GRIK2: variants seen among roughly 807,000 people sequenced by gnomAD.
GRIK2 encodes glutamate ionotropic receptor kainate type subunit 2.
A neutral mutation model predicts 100.3 loss-of-function variants in GRIK2; 32 were observed. The ratio of observed to expected loss-of-function variants is 0.32; its 90% CI spans 0.24 to 0.43. The LOEUF is 0.43. Among genes scored for constraint, GRIK2 ranks in the 20% least tolerant of loss-of-function variants. The probability of loss-of-function intolerance (pLI) is 1.00; values close to 1 mark genes in which losing one functional copy is unlikely to be tolerated. For missense variants in GRIK2, 843 were observed against 1,114.9 expected, an observed-to-expected ratio of 0.76 and a Z score of 3.47; for synonymous variants, 417 against 389.4, an observed-to-expected ratio of 1.07 and a Z score of -0.83.
intron 2 of GRIK2, among the ~76,000 whole-genome samples, chr6:101,469,660 G>A (rs570660207): frequency 6.6e-6 from 1 of 152,246 alleles, no homozygotes; most frequent in African/African-American, 2.4e-5. Context: ...GCTGTATTGA[G>A]TATTCCCTTT....
chr6:102,002,358 T>C (rs1008812053), intron 14 of GRIK2, among the ~76,000 whole-genome samples: 9 of 147,996 alleles, frequency 6.1e-5, no homozygotes, highest in African/African-American at 2.0e-4. Context: ...TGTGCATGTA[T>C]ATATTATGTA....
rs190542492 is a variant in GRIK2, at chr6:101,639,625, T to C, written c.541+12988T>C. Among the ~76,000 whole-genome samples, 439 of 152,168 alleles carry C rather than the reference T, an allele frequency of 2.9e-3. 1 individual carries two copies. Among genetic ancestry groups the C allele is most frequent in the Admixed American group, 5.9e-3 (90 of 15,272 alleles). ...ATACATACATACATACATACATACA[T>C]ACACACAGTTTTCTGTTTTCTGGGA... On this transcript the variant is annotated intron_variant, in intron 4 of 16. Coordinates refer to ENST00000369134, the MANE Select transcript of GRIK2 (RefSeq NM_021956.5).
At chr6:101,720,495 G>A (rs1284381437) in intron 7 of GRIK2, among the ~76,000 whole-genome samples, 1 of 151,940 alleles carries the variant, frequency 6.6e-6, no homozygotes, top group South Asian at 2.1e-4. Flanking sequence ...ATGTGTAAGT[G>A]TAGTATTGTC....
At chr6:101,794,291 C>T (rs60086103) in intron 7 of GRIK2, among the ~76,000 whole-genome samples, 2 of 151,922 alleles carry the variant, frequency 1.3e-5, no homozygotes, top group East Asian at 3.9e-4. Flanking sequence ...GAAATCACCC[C>T]TCTTCTGCGT....
chr6:101,715,991 C>T (rs1433687820), intron 7 of GRIK2, among the ~76,000 whole-genome samples: 1 of 151,736 alleles, frequency 6.6e-6, no homozygotes, highest in East Asian at 1.9e-4. Context: ...TCTTGAAATT[C>T]AACCTCCTTC....
At chr6:101,431,728 C>T (rs1450864539) in intron 2 of GRIK2, among the ~76,000 whole-genome samples, 1 of 152,172 alleles carries the variant, frequency 6.6e-6, no homozygotes, top group Non-Finnish European at 1.5e-5. Flanking sequence ...TATTGGTTAT[C>T]ACTTTGTTAC....
chr6:101,534,795 CT>C (rs1775608299), intron 2 of GRIK2, among the ~76,000 whole-genome samples: 1 of 151,790 alleles, frequency 6.6e-6, no homozygotes, highest in East Asian at 1.9e-4. Flanking sequence ...TAGTATTTTT[CT>C]CTGACAGAGA....
chr6:101,619,604 TTTTTG>T (rs1187003603), intron 2 of GRIK2, among the ~76,000 whole-genome samples: 1 of 152,000 alleles, frequency 6.6e-6, no homozygotes, highest in African/African-American at 2.4e-5. Context: ...AAGATTCAGT[TTTTTG>T]TTTTATTTGC....
intron 2 of GRIK2, among the ~76,000 whole-genome samples, chr6:101,451,714 A>G (rs115913055): frequency 0.012 from 1,872 of 151,020 alleles, 42 homozygotes; most frequent in African/African-American, 0.044. Flanking sequence ...GGGGTGCCAA[A>G]TACCTCCCAC....
intron 14 of GRIK2, among the ~76,000 whole-genome samples, chr6:101,957,004 T>C (rs1791980232): frequency 6.6e-6 from 1 of 151,948 alleles, no homozygotes; most frequent in South Asian, 2.1e-4. Flanking sequence ...CCTTTGGGTA[T>C]ATACCCAGTA....
At chr6:101,975,058 T>C (rs571542237) in intron 14 of GRIK2, among the ~76,000 whole-genome samples, 2 of 152,062 alleles carry the variant, frequency 1.3e-5, no homozygotes, top group African/African-American at 4.8e-5. Flanking sequence ...CTTTCTTTTA[T>C]ATAGGAAGCA....
intron 2 of GRIK2, among the ~76,000 whole-genome samples, chr6:101,559,971 G>A (rs1276471668): frequency 6.6e-6 from 1 of 152,102 alleles, no homozygotes; most frequent in Non-Finnish European, 1.5e-5. Context: ...TTGGTAATGG[G>A]CAAAGGGTAT....
chr6:101,473,111 TC>T, intron 2 of GRIK2, among the ~76,000 whole-genome samples: 1 of 43,274 alleles, frequency 2.3e-5, no homozygotes, highest in African/African-American at 9.3e-5. Flanking sequence ...CTTCCTTCCT[TC>T]CTTCCTTCCT....
At position 101,502,548 on chromosome 6, in the gene GRIK2, AG is replaced by A. The variant is rs1389614516; in HGVS notation, c.115+103157del. On this transcript the variant is annotated intron_variant, in intron 2 of 16. Transcript: ENST00000369134. Reference sequence around the variant, plus strand: ...TATTGAAAGTATTACATTATGTAAAAGTATAAGAATATATATGTAATTGCAT... The same window carrying A: ...TATTGAAAGTATTACATTATGTAAAATATAAGAATATATATGTAATTGCAT... Among the ~76,000 whole-genome samples, 25 of 152,334 alleles carry A rather than the reference AG, an allele frequency of 1.6e-4. 1 individual carries two copies. In the East Asian group the frequency reaches 2.3e-3, roughly 14 times the overall value.
intron 7 of GRIK2, among the ~76,000 whole-genome samples, chr6:101,728,383 C>T (rs929778111): frequency 6.6e-6 from 1 of 152,066 alleles, no homozygotes; most frequent in African/African-American, 2.4e-5. Context: ...TAGATACTTG[C>T]ATTTCCGTTT....
intron 14 of GRIK2, among the ~76,000 whole-genome samples, chr6:101,958,694 G>A (rs1206753936): frequency 1.3e-5 from 2 of 151,976 alleles, no homozygotes; most frequent in Non-Finnish European, 2.9e-5. Context: ...TTTTAGGTAA[G>A]TTTATATGAT....
chr6:101,495,430 A>G (rs967534842), intron 2 of GRIK2, among the ~76,000 whole-genome samples: 2 of 151,988 alleles, frequency 1.3e-5, no homozygotes, highest in African/African-American at 4.8e-5. Flanking sequence ...GGCGTGAACC[A>G]GGGAGGCAGA....
At chr6:101,550,300 A>G (rs1776444331) in intron 2 of GRIK2, among the ~76,000 whole-genome samples, 1 of 152,174 alleles carries the variant, frequency 6.6e-6, no homozygotes, top group Non-Finnish European at 1.5e-5. Flanking sequence ...ATTGTCCATT[A>G]TAGCTGCTAC....
At chr6:101,744,339 T>C (rs1476256288) in intron 7 of GRIK2, among the ~76,000 whole-genome samples, 2 of 151,688 alleles carry the variant, frequency 1.3e-5, no homozygotes, top group African/African-American at 4.8e-5. Flanking sequence ...TCTTCATAGC[T>C]TAGCTCTCAC....
Sources: allele counts gnomAD v4.1 joint callset (sites outside exome capture counted in the v4.1 genomes callset), GRCh38; gene constraint gnomAD v4.1.1; transcripts MANE v1.5; gene names NCBI Gene and HGNC (gene_info 2026-07-23, HGNC 2026-07-21).